Variants in CNTN5 observed in about 807,000 individuals in gnomAD.
CNTN5 encodes the protein contactin-5.
In CNTN5, 77 loss-of-function variants were observed where a neutral mutation model predicts 129.1. The ratio of observed to expected loss-of-function variants is 0.60; its 90% CI spans 0.50 to 0.72. The LOEUF (loss-of-function observed/expected upper bound fraction) is 0.72. Among genes scored for constraint, CNTN5 ranks in the 30% least tolerant of loss-of-function variants. CNTN5 has a pLI of 0.00. For synonymous variants in CNTN5, 509 were observed against 465.6 expected, an observed-to-expected ratio of 1.09 and a Z score of -1.20; for missense variants, 1,478 against 1,328.8, an observed-to-expected ratio of 1.11 and a Z score of -1.75.
chr11:100,210,313 G>A (rs1023944431), intron 15 of CNTN5, among the ~76,000 whole-genome samples: 2 of 142,030 alleles, frequency 1.4e-5, no homozygotes, highest in African/African-American at 5.2e-5. Flanking sequence ...ACCTGCCACT[G>A]CACTCCAACC....
chr11:99,361,805 C>T (rs762311862), intron 2 of CNTN5, among the ~76,000 whole-genome samples: 2 of 152,040 alleles, frequency 1.3e-5, no homozygotes, highest in Non-Finnish European at 2.9e-5. Flanking sequence ...CGTGTCATGG[C>T]ATGCATCAGA....
chr11:99,864,498 A>G (rs1340285947), intron 6 of CNTN5, among the ~76,000 whole-genome samples: 1 of 152,066 alleles, frequency 6.6e-6, no homozygotes, highest in Non-Finnish European at 1.5e-5. Context: ...TGGACTTGCT[A>G]TAGCACTGTA....
At chr11:100,218,464 G>T (rs1949189734) in intron 15 of CNTN5, among the ~76,000 whole-genome samples, 1 of 152,194 alleles carries the variant, frequency 6.6e-6, no homozygotes, top group Admixed American at 6.5e-5. Context: ...GAAGACCACA[G>T]GAAATATCAA....
chr11:99,824,312 G>A (rs1460005840), intron 4 of CNTN5, among the ~76,000 whole-genome samples: 3 of 152,034 alleles, frequency 2.0e-5, no homozygotes, highest in South Asian at 2.1e-4. Context: ...AATCTCTTGA[G>A]TATAGTATAC....
chr11:99,466,408 T>C (rs1417314296), intron 2 of CNTN5, among the ~76,000 whole-genome samples: 1 of 152,192 alleles, frequency 6.6e-6, no homozygotes, highest in Non-Finnish European at 1.5e-5. Context: ...AAAAATTCAC[T>C]TTACCTTCTC....
chr11:99,895,073 G>C (rs1001841931), intron 6 of CNTN5, among the ~76,000 whole-genome samples: 3 of 152,172 alleles, frequency 2.0e-5, no homozygotes, highest in Non-Finnish European at 4.4e-5. Flanking sequence ...TATAACCCCA[G>C]TGGATAAAGT....
chr11:100,201,326 A>G (rs1164352225), intron 15 of CNTN5, among the ~76,000 whole-genome samples: 1 of 151,780 alleles, frequency 6.6e-6, no homozygotes, highest in Non-Finnish European at 1.5e-5. Flanking sequence ...CCAATCTGAC[A>G]GAAACTTCAG....
intron 9 of CNTN5, among the ~76,000 whole-genome samples, chr11:100,046,462 C>T (rs1021511303): frequency 6.6e-6 from 1 of 152,080 alleles, no homozygotes. Context: ...TTTTAACATA[C>T]ATTCTTTATT....
chr11:100,174,940 A>T (rs1258499437), intron 13 of CNTN5, among the ~76,000 whole-genome samples: 1 of 152,056 alleles, frequency 6.6e-6, no homozygotes, highest in African/African-American at 2.4e-5. Flanking sequence ...GCTAAACTTT[A>T]TCTAGAAGAA....
chr11:99,904,040 G>T, intron 6 of CNTN5, among the ~76,000 whole-genome samples: 1 of 152,064 alleles, frequency 6.6e-6, no homozygotes, highest in Non-Finnish European at 1.5e-5. Context: ...AGAGAAAGGG[G>T]AACTCTTTTT....
intron 13 of CNTN5, among the ~76,000 whole-genome samples, chr11:100,081,176 G>A (rs1944351906): frequency 1.3e-5 from 2 of 151,854 alleles, no homozygotes; most frequent in East Asian, 1.9e-4. Context: ...AAAATATAAA[G>A]CATTAGCATT....
At chr11:99,788,588 T>G (rs1053952334) in intron 3 of CNTN5, among the ~76,000 whole-genome samples, 1 of 151,938 alleles carries the variant, frequency 6.6e-6, no homozygotes, top group Admixed American at 6.6e-5. Context: ...CAAGTCACAG[T>G]GATAGGCCTT....
At chr11:100,210,799 G>T (rs925688332) in intron 15 of CNTN5, among the ~76,000 whole-genome samples, 27 of 152,182 alleles carry the variant, frequency 1.8e-4, no homozygotes, top group African/African-American at 6.3e-4. Context: ...ATGCAGTCAT[G>T]ATGATAATCT....
intron 1 of CNTN5, among the ~76,000 whole-genome samples, chr11:99,032,427 T>G (rs1863442684): frequency 6.7e-6 from 1 of 149,366 alleles, no homozygotes; most frequent in African/African-American, 2.5e-5. Context: ...CTCCAGCACC[T>G]GTTGTTTCCT....
At chr11:99,578,135 A>G (rs1949427671) in intron 3 of CNTN5, among the ~76,000 whole-genome samples, 1 of 151,876 alleles carries the variant, frequency 6.6e-6, no homozygotes, top group Admixed American at 6.6e-5. Context: ...AGTTTCATCC[A>G]TGTCCCTACA....
At chr11:99,563,263 C>A (rs1435421455) in intron 3 of CNTN5, among the ~76,000 whole-genome samples, 2 of 152,054 alleles carry the variant, frequency 1.3e-5, no homozygotes, top group Non-Finnish European at 2.9e-5. Context: ...GTAGAAACCC[C>A]AGCGTTACGG....
rs143149203 is a variant in CNTN5, at chr11:99,667,534, A to G, written c.55+111265A>G. Among the ~76,000 whole-genome samples the G allele has an allele frequency of 2.8e-4, 42 of 152,294 alleles. 2 individuals carry two copies. Among genetic ancestry groups the G allele is most frequent in the African/African-American group, 9.1e-4 (38 of 41,576 alleles). On this transcript the variant is annotated intron_variant, in intron 3 of 24. Coordinates refer to ENST00000524871, the MANE Select transcript of CNTN5 (RefSeq NM_014361.4). ...CCCTGGTAAAGAAGCATGGTGTTTG[A>G]CCCATAGTGAGTACTCAATAAATGT...
chr11:100,169,192 G>A (rs1362742503), intron 13 of CNTN5, among the ~76,000 whole-genome samples: 2 of 151,958 alleles, frequency 1.3e-5, no homozygotes, highest in East Asian at 3.9e-4. Context: ...CATCAACTTT[G>A]TTGATAAAAC....
intron 3 of CNTN5, among the ~76,000 whole-genome samples, chr11:99,727,776 AGTC>A (rs1346838428): frequency 1.3e-5 from 2 of 152,182 alleles, no homozygotes; most frequent in African/African-American, 4.8e-5. Flanking sequence ...AACACCATAA[AGTC>A]ATTTTAAAAC....
Sources: allele counts gnomAD v4.1 joint callset (sites outside exome capture counted in the v4.1 genomes callset), GRCh38; gene constraint gnomAD v4.1.1; transcripts MANE v1.5; gene names NCBI Gene and HGNC (gene_info 2026-07-23, HGNC 2026-07-21).